Variants in SLC4A11 observed in about 807,000 individuals in gnomAD.
SLC4A11 encodes the protein bicarbonate transporter related protein 1.
A neutral mutation model predicts 95.0 loss-of-function variants in SLC4A11; 74 were observed. The ratio of observed to expected loss-of-function variants is 0.78; its 90% CI spans 0.65 to 0.95. The LOEUF (loss-of-function observed/expected upper bound fraction) is 0.95. Among genes scored for constraint, SLC4A11 ranks in the 40% least tolerant of loss-of-function variants. SLC4A11 has a pLI of 0.00. For missense variants in SLC4A11, 1,081 were observed against 1,192.4 expected, an observed-to-expected ratio of 0.91 and a Z score of 1.38; for synonymous variants, 548 against 519.0, an observed-to-expected ratio of 1.06 and a Z score of -0.76.
intron 18 of SLC4A11, 24 bp from the exon 19 acceptor site, chr20:3,228,452 T>A: frequency 6.2e-7 from 1 of 1,612,856 alleles, no homozygotes; most frequent in Non-Finnish European, 8.5e-7. Context: ...GGACCGGGTG[T>A]GGGCAGGCAT....
Position 3,231,232 on chromosome 20 carries a change from C to T in SLC4A11, c.959G>A (p.Cys320Tyr). 2 of 1,613,996 alleles carry T rather than the reference C, an allele frequency of 1.2e-6. No homozygotes were observed. Among genetic ancestry groups the T allele is most frequent in the African/African-American group, 1.3e-5 (1 of 75,054 alleles). Residue 320 changes from cysteine (C) to tyrosine (Y), a missense_variant, in exon 9 of 20, where the codon TGC (cysteine) becomes TAC (tyrosine). This residue lies in a region of SLC4A11 where 767 missense variants were observed against 858.0 expected (regional missense o/e 0.89). Coordinates refer to ENST00000642402, the MANE Select transcript of SLC4A11 (RefSeq NM_001174089.2). This position sits in a 1 kb window ranked among gnomAD's most constrained non-coding sequence, Gnocchi z 5.2. ...CTTCCCAAAAGGGACAAAGTCCTTG[C>T]ACTTTGGGGGCTGGAGGAGAGGACA... ...PAHRHPEPPK[C>Y]KDFVPFGKGI...
chr20:3,234,701 C>T lies in SLC4A11; in HGVS notation c.241+41G>A, dbSNP rs770421524. Reference sequence around the variant, plus strand: ...TAAGGCGAGTCACACCTGCCCAGTCCCGTGCCTTCCCCCAGTCTGCCCCTG... The same window carrying T: ...TAAGGCGAGTCACACCTGCCCAGTCTCGTGCCTTCCCCCAGTCTGCCCCTG... On this transcript the variant is annotated intron_variant, in intron 3 of 19. Transcript: ENST00000642402. This position sits in a 1 kb window ranked among gnomAD's most constrained non-coding sequence, Gnocchi z 5.8. 2.5e-6 allele frequency: 4 copies of T among 1,613,932 alleles called. No individual in the cohort carries two copies. The highest frequency in any genetic ancestry group is 2.5e-6 in the Non-Finnish European group (3 of 1,180,014).
In SLC4A11 at chr20:3,231,267, T is replaced by C. The variant is rs958132188; in HGVS notation, c.949-25A>G. 1 of 1,613,452 alleles carries C rather than the reference T, an allele frequency of 6.2e-7. No individual in the cohort carries two copies. Among genetic ancestry groups the C allele is most frequent in the Non-Finnish European group, 8.5e-7 (1 of 1,179,820 alleles). On this transcript the variant is annotated intron_variant, in intron 8 of 19. Transcript: ENST00000642402. The surrounding 1 kb of genome is among the most constrained non-coding windows in gnomAD (Gnocchi z 5.2). ...GCTGGAGGAGAGGACAGAGCGCCTG[T>C]TAGCCCTGTCCGGCCCATGCCCCCG...
rs1600603226 is a variant in SLC4A11, at chr20:3,234,814, A to G, written c.169T>C (p.Ser57Pro). 1 of 1,613,946 alleles carries G rather than the reference A, an allele frequency of 6.2e-7. No individual in the cohort carries two copies. The highest frequency in any genetic ancestry group is 1.3e-5 in the African/African-American group (1 of 74,970). ...ATACTCTCGCCAGACACGATGGAGG[A>G]GTTGGCAGTGTCGAAGGCCTCATCC... ...LGDEAFDTAN[S>P]SIVSGESIRF... Residue 57 changes from serine to proline, a missense_variant, in exon 3 of 20, where the codon TCC becomes CCC. Transcript: ENST00000642402. This position sits in a 1 kb window ranked among gnomAD's most constrained non-coding sequence, Gnocchi z 5.8.
chr20:3,233,704 A>G, intron 6 of SLC4A11, 67 bp from the exon 7 acceptor site: 1 of 1,600,742 alleles, frequency 6.2e-7, no homozygotes, highest in East Asian at 2.2e-5. Context: ...CCGACCCAGA[A>G]CCCCCTCGAC....
chr20:3,230,103 T>G, intron 13 of SLC4A11, 84 bp downstream of exon 13: 1 of 1,478,520 alleles, frequency 6.8e-7, no homozygotes, highest in Non-Finnish European at 9.5e-7. Flanking sequence ...GAGCCAGTCC[T>G]ATGTGCCCCC....
rs372500980 is a variant in SLC4A11, at chr20:3,231,599, G to T, written c.730-51C>A. 6.4e-7 allele frequency: 1 copy of T among 1,561,712 alleles called. No homozygotes were observed. The highest frequency in any genetic ancestry group is 8.8e-7 in the Non-Finnish European group (1 of 1,133,784). On this transcript the variant is annotated intron_variant, in intron 7 of 19. Coordinates refer to ENST00000642402, the MANE Select transcript of SLC4A11 (RefSeq NM_001174089.2). This position sits in a 1 kb window ranked among gnomAD's most constrained non-coding sequence, Gnocchi z 5.2. The stretch of plus-strand genomic sequence containing the variant: ...CCTAGAAACAGAGGAGGCCCTGCCC[G>T]GGCCGAGCAGGTGAAGGTGCTCTCC...
In SLC4A11 at chr20:3,229,469, C is replaced by G. The variant is rs764449685; in HGVS notation, c.1743-17G>C. On this transcript the variant is annotated splice_polypyrimidine_tract_variant and intron_variant, in intron 14 of 19. Transcript: ENST00000642402. ...AGGTAGGGGCTGGGGACAGCAGGTG[C>G]ATGAGCACAGCCTTTGACCCATGCG... 5.0e-6 allele frequency: 8 copies of G among 1,613,058 alleles called. No homozygotes were observed. The highest frequency in any genetic ancestry group is 3.4e-4 in the Middle Eastern group (2 of 5,960).
In SLC4A11 at chr20:3,230,280, CTCA is replaced by C; in HGVS notation, c.1416-23_1416-21del. On this transcript the variant is annotated intron_variant, in intron 12 of 19. Transcript: ENST00000642402. ...GTCGACCTGCCAGGAGGCCATGAGC[CTCA>C]TCAGAGTGGGTGTGGTCAGGGGGCA... The C allele has an allele frequency of 6.2e-7, 1 of 1,613,376 alleles. No homozygotes were observed. Among genetic ancestry groups the C allele is most frequent in the Non-Finnish European group, 8.5e-7 (1 of 1,179,952 alleles).
chr20:3,228,726 C>A lies in SLC4A11; in HGVS notation c.2193-19G>T. 6.2e-7 allele frequency: 1 copy of A among 1,612,688 alleles called. No individual in the cohort carries two copies. The highest frequency in any genetic ancestry group is 8.5e-7 in the Non-Finnish European group (1 of 1,179,732). ...CACAATCCTGCGGTGGCCCGAGCCGCGAGTGTCACCTCTGCGCCCCTGTCC... is the reference window on the plus strand; with the variant it reads ...CACAATCCTGCGGTGGCCCGAGCCGAGAGTGTCACCTCTGCGCCCCTGTCC... On this transcript the variant is annotated intron_variant, in intron 17 of 19. Coordinates refer to ENST00000642402, the MANE Select transcript of SLC4A11 (RefSeq NM_001174089.2).
chr20:3,234,417 C>T lies in SLC4A11; in HGVS notation c.292-103G>A, dbSNP rs2067898719. 31 of 1,496,534 alleles carry T rather than the reference C, an allele frequency of 2.1e-5. 1 individual carries two copies. In the South Asian group the frequency reaches 3.5e-4, roughly 17 times the overall value. 92.7% of individuals were successfully genotyped at this position (1,496,534 alleles called of 1,614,324 possible). A position where few individuals can be genotyped will look rare whatever the true frequency, so the allele number is the denominator to read the frequency against. ...AGCCGCAGCAGTCCAGCCCCCAGCC[C>T]CCAGCCCCCAGCCCTGGGCTGGTGC... is the stretch of plus-strand genomic sequence containing the variant. On this transcript the variant is annotated intron_variant, in intron 4 of 19. Coordinates refer to ENST00000642402, the MANE Select transcript of SLC4A11 (RefSeq NM_001174089.2). The surrounding 1 kb of genome is among the most constrained non-coding windows in gnomAD (Gnocchi z 5.8).
At chr20:3,228,481 A>G (rs1459690949) in intron 18 of SLC4A11, 31 bp downstream of exon 18, 2 of 1,612,846 alleles carry the variant, frequency 1.2e-6, no homozygotes, top group Non-Finnish European at 1.7e-6. Flanking sequence ...GTCCCCACCC[A>G]CGCCACTCCC....
At position 3,233,634 on chromosome 20, in the gene SLC4A11, A is replaced by G. The variant is rs778429377; in HGVS notation, c.609T>C (p.Cys203=). The G allele has an allele frequency of 1.9e-6, 3 of 1,612,590 alleles. No individual in the cohort carries two copies. The highest frequency in any genetic ancestry group is 2.5e-6 in the Non-Finnish European group (3 of 1,179,986). Residue 203 remains cysteine, a synonymous_variant, in exon 7 of 20, where the codon TGT becomes TGC. Coordinates refer to ENST00000642402, the MANE Select transcript of SLC4A11 (RefSeq NM_001174089.2). ...GCCGCTTCTGTAGGGCCTTCATGGTACAGCTGGCAGGGGCGGGGAGGACAC... is the reference window on the plus strand; with the variant it reads ...GCCGCTTCTGTAGGGCCTTCATGGTGCAGCTGGCAGGGGCGGGGAGGACAC... The part of the protein sequence containing the change: ...RYQQSWLCII[C]TMKALQKRHV...
chr20:3,230,571 G>T lies in SLC4A11; in HGVS notation c.1359C>A (p.Phe453Leu), dbSNP rs750675189. ...TGAAAAAGGCATAAAGCGCAAGGAA[G>T]AAACTATTCCACAGGCCCGTCCATG... ...FYAWTGLWNSFFLALYAFFNL... is the reference protein window; with the variant it reads ...FYAWTGLWNSLFLALYAFFNL... Residue 453 changes from phenylalanine (F) to leucine (L), a missense_variant, in exon 12 of 20, where the codon TTC becomes TTA. Transcript: ENST00000642402. The T allele has an allele frequency of 2.5e-6, 4 of 1,613,804 alleles. No individual in the cohort carries two copies. In the Admixed American group the frequency reaches 5.0e-5, roughly 20 times the overall value.
rs867089201 is a variant in SLC4A11 at position 3,234,990 on chromosome 20, C to T, written c.89-96G>A. Reference sequence around the variant, plus strand: ...CAGGGAGCAGGGACCCCTGGACTGTCCCACTCTCGGGCCGTGGTGGGAGAG... The same window carrying T: ...CAGGGAGCAGGGACCCCTGGACTGTTCCACTCTCGGGCCGTGGTGGGAGAG... On this transcript the variant is annotated intron_variant, in intron 2 of 19. Transcript: ENST00000642402. The surrounding 1 kb of genome is among the most constrained non-coding windows in gnomAD (Gnocchi z 5.8). The T allele has an allele frequency of 1.1e-5, 17 of 1,509,544 alleles. No individual in the cohort carries two copies. In the Middle Eastern group the frequency reaches 1.0e-3, roughly 92 times the overall value. The allele number at this position is 1,509,544 out of a possible 1,614,324, so 93.5% of individuals were successfully genotyped here.
intron 2 of SLC4A11, among the ~76,000 whole-genome samples, chr20:3,237,180 T>C (rs766226000): frequency 3.3e-5 from 5 of 152,110 alleles, no homozygotes; most frequent in Admixed American, 1.3e-4. Context: ...TATATTTCTT[T>C]AAAGAGACAA....
At position 3,227,441 on chromosome 20, in the gene SLC4A11, A is replaced by G; in HGVS notation, c.*346T>C. ...ATAGGAGCCTAGAAACAGGAGCTTT[A>G]TTCTCTAATGTGCGTCCAGCAAGTT... On this transcript the variant is annotated 3_prime_UTR_variant, in exon 20 of 20. Coordinates refer to ENST00000642402, the MANE Select transcript of SLC4A11 (RefSeq NM_001174089.2). 3.0e-6 allele frequency: 1 copy of G among 330,502 alleles called. No homozygotes were observed. The highest frequency in any genetic ancestry group is 5.9e-6 in the Non-Finnish European group (1 of 170,832). 20.5% of individuals were successfully genotyped at this position (330,502 alleles called of 1,614,324 possible).
chr20:3,228,300 C>T lies in SLC4A11; in HGVS notation c.2517G>A (p.Lys839=), dbSNP rs1008052074. Residue 839 remains lysine (K), a synonymous_variant, in exon 19 of 20, where the codon AAG becomes AAA. Transcript: ENST00000642402. Reference sequence around the variant, plus strand: ...CGATCATGATGAGGGGAAAGATCATCTTCATGTAGGGCAGGGAGCTCATGC... The same window carrying T: ...CGATCATGATGAGGGGAAAGATCATTTTCATGTAGGGCAGGGAGCTCATGC... ...AFGMSSLPYM[K]MIFPLIMIAM... The T allele has an allele frequency of 6.8e-6, 11 of 1,612,972 alleles. No individual in the cohort carries two copies. Among genetic ancestry groups the T allele is most frequent in the Admixed American group, 1.7e-5 (1 of 59,966 alleles).
At chr20:3,233,166 G>A (rs912522594) in intron 7 of SLC4A11, among the ~76,000 whole-genome samples, 1 of 152,210 alleles carries the variant, frequency 6.6e-6, no homozygotes, top group Non-Finnish European at 1.5e-5. Context: ...GCCAGGGGGT[G>A]TGTGGCCCAG....
Sources: allele counts gnomAD v4.1 joint callset (sites outside exome capture counted in the v4.1 genomes callset), GRCh38; gene constraint gnomAD v4.1.1; regional missense constraint gnomAD v4.1.1; non-coding constraint Gnocchi (gnomAD v3.1); transcripts MANE v1.5; gene names NCBI Gene and HGNC (gene_info 2026-07-23, HGNC 2026-07-21).